The following VIRMA variants were observed in gnomAD, a reference collection of about 807,000 sequenced individuals.
VIRMA encodes vir like m6A methyltransferase associated.
A neutral mutation model predicts 182.4 loss-of-function variants in VIRMA; 65 were observed. The observed-to-expected ratio is 0.36, with a 90% CI of 0.29 to 0.44. The LOEUF (loss-of-function observed/expected upper bound fraction) is 0.44. VIRMA is among the 20% of genes least tolerant of loss of function. The probability of loss-of-function intolerance (pLI) is 1.00; values close to 1 mark genes in which losing one functional copy is unlikely to be tolerated. For missense variants in VIRMA, 1,752 were observed against 2,158.1 expected, an observed-to-expected ratio of 0.81 and a Z score of 3.73; for synonymous variants, 709 against 743.1, an observed-to-expected ratio of 0.95 and a Z score of 0.75.
intron 10 of VIRMA, among the ~76,000 whole-genome samples, chr8:94,515,651 T>A (rs1318882278): frequency 6.6e-6 from 1 of 151,966 alleles, no homozygotes; most frequent in Non-Finnish European, 1.5e-5. Context: ...GAATTACAAG[T>A]GTGAGCCACC....
chr8:94,516,895 T>C (rs1424172962), intron 10 of VIRMA, among the ~76,000 whole-genome samples: 5 of 152,152 alleles, frequency 3.3e-5, no homozygotes, highest in Non-Finnish European at 7.4e-5. Context: ...ATTTTTACAA[T>C]ATTTACTCAA....
chr8:94,549,230 C>T (rs3098712), intron 1 of VIRMA, among the ~76,000 whole-genome samples: 92,858 of 151,996 alleles, frequency 0.61, 28,673 homozygotes, highest in East Asian at 0.81. Context: ...ATTGGTAAAA[C>T]AAATACAATA....
chr8:94,491,709 C>T lies in VIRMA; in HGVS notation c.5009G>A (p.Gly1670Glu), dbSNP rs879137027. The T allele has an allele frequency of 6.2e-7, 1 of 1,614,114 alleles. No homozygotes were observed. Among genetic ancestry groups the T allele is most frequent in the Non-Finnish European group, 8.5e-7 (1 of 1,180,038 alleles). The part of the protein sequence containing the change: ...AESKEVVPQD[G>E]IPPPKRPLKV... ...GAGTGGCCGTTTTGGTGGAGGTATT[C>T]CATCTTGAGGAACCACTTCTTTACT... The change falls in exon 22 of 24, where the codon GGA (glycine) becomes GAA (glutamate). Residue 1670 changes from glycine to glutamate, a missense_variant. By Grantham distance (98) the Gly-to-Glu change is moderately conservative (BLOSUM62 -2). Transcript: ENST00000297591.
intron 16 of VIRMA, among the ~76,000 whole-genome samples, chr8:94,502,602 T>C (rs1177137145): frequency 6.6e-6 from 1 of 152,090 alleles, no homozygotes; most frequent in Non-Finnish European, 1.5e-5. Flanking sequence ...CCAAAATCAG[T>C]GACATCCTAA....
intron 11 of VIRMA, among the ~76,000 whole-genome samples, chr8:94,513,642 C>T (rs1814452284): frequency 6.6e-6 from 1 of 152,070 alleles, no homozygotes; most frequent in Non-Finnish European, 1.5e-5. Context: ...CTCTTAACTA[C>T]AGCATGTAAT....
intron 16 of VIRMA, among the ~76,000 whole-genome samples, chr8:94,500,470 C>A (rs1034453656): frequency 1.3e-5 from 2 of 152,138 alleles, no homozygotes; most frequent in Admixed American, 1.3e-4. Flanking sequence ...CTAACCACTA[C>A]ACACAATCTT....
chr8:94,510,772 A>T lies in VIRMA; in HGVS notation c.3391-120T>A, dbSNP rs113174386. On this transcript the variant is annotated intron_variant, in intron 13 of 23. Coordinates refer to ENST00000297591, the MANE Select transcript of VIRMA (RefSeq NM_015496.5). ...TTTTTACTGCATGCTTAAAACATTT[A>T]ATTTTCTATTATACAGTTAAACATT... 978 of 805,230 alleles carry T rather than the reference A, an allele frequency of 1.2e-3. 2 individuals carry two copies. Among genetic ancestry groups the T allele is most frequent in the Non-Finnish European group, 1.7e-3 (884 of 512,204 alleles). 49.9% of individuals were successfully genotyped at this position (805,230 alleles called of 1,614,324 possible).
At chr8:94,488,978 C>G in intron 23 of VIRMA, 118 bp from the exon 24 acceptor site, 1 of 1,100,260 alleles carries the variant, frequency 9.1e-7, no homozygotes, top group Non-Finnish European at 1.3e-6. Context: ...TTAAAGCTCA[C>G]GTGCAAGCAC....
At chr8:94,508,602 G>A (rs1814248665) in intron 15 of VIRMA, among the ~76,000 whole-genome samples, 1 of 151,490 alleles carries the variant, frequency 6.6e-6, no homozygotes, top group African/African-American at 2.4e-5. Context: ...ACCCAAAGTG[G>A]ATTATACAAG....
At position 94,537,138 on chromosome 8, in the gene VIRMA, C is replaced by T. The variant is rs1815372591; in HGVS notation, c.280G>A (p.Glu94Lys). The T allele has an allele frequency of 6.2e-7, 1 of 1,601,762 alleles. No individual in the cohort carries two copies. Among genetic ancestry groups the T allele is most frequent in the African/African-American group, 1.3e-5 (1 of 74,648 alleles). ...FDRLGSLEYD[E>K]NTSIIFRPNS... is the part of the protein sequence containing the mutation. ...GGTCTAAAGATGATGGAAGTATTCT[C>T]ATCATATTCCAGGCTGTCAAGAGAG... Residue 94 changes from glutamate to lysine, a missense_variant, in exon 4 of 24, where the codon GAG becomes AAG. Around this residue, in one of 11 missense-constraint regions of VIRMA, gnomAD observed 195 missense variants for 191.7 expected, o/e 1.02. Transcript: ENST00000297591.
In VIRMA at chr8:94,510,760, C is replaced by T. The variant is rs1040957364; in HGVS notation, c.3391-108G>A. On this transcript the variant is annotated intron_variant, in intron 13 of 23. Transcript: ENST00000297591. ...ATGAAAAGAACATTTTTACTGCATG[C>T]TTAAAACATTTAATTTTCTATTATA... The T allele has an allele frequency of 1.8e-5, 15 of 834,904 alleles. No individual in the cohort carries two copies. The African/African-American group carries it at 2.1e-4, about 12-fold the overall frequency. 51.7% of individuals were successfully genotyped at this position (834,904 alleles called of 1,614,324 possible).
intron 8 of VIRMA, 117 bp from the exon 9 acceptor site, chr8:94,519,593 T>C: frequency 1.0e-6 from 1 of 999,020 alleles, no homozygotes; most frequent in Non-Finnish European, 1.4e-6. Flanking sequence ...TCCTCAGTAA[T>C]ATACTGCTTT....
chr8:94,531,158 G>A, intron 5 of VIRMA, 73 bp from the exon 6 acceptor site: 1 of 1,405,108 alleles, frequency 7.1e-7, no homozygotes, highest in African/African-American at 1.5e-5. Flanking sequence ...GCTTTGAACT[G>A]TGTGGGTCCA....
intron 1 of VIRMA, among the ~76,000 whole-genome samples, chr8:94,552,088 T>C (rs556846602): frequency 1.1e-3 from 165 of 152,340 alleles, no homozygotes; most frequent in African/African-American, 3.4e-3. Flanking sequence ...ACTGCCTCCA[T>C]TGAGGGTTTT....
intron 11 of VIRMA, among the ~76,000 whole-genome samples, chr8:94,514,545 T>C (rs1814491515): frequency 6.6e-6 from 1 of 152,208 alleles, no homozygotes. Flanking sequence ...CAGTTATATG[T>C]TACATGACTA....
chr8:94,543,428 GTAA>G (rs996002669), intron 2 of VIRMA, among the ~76,000 whole-genome samples: 33 of 127,676 alleles, frequency 2.6e-4, no homozygotes, highest in Non-Finnish European at 4.4e-4. Flanking sequence ...AAAAAAAGGA[GTAA>G]TAATAATAAT....
rs191319119 is a variant in VIRMA at position 94,524,030 on chromosome 8, G to A, written c.2021+2193C>T. On this transcript the variant is annotated intron_variant, in intron 8 of 23. Coordinates refer to ENST00000297591, the MANE Select transcript of VIRMA (RefSeq NM_015496.5). Reference sequence around the variant, plus strand: ...ATTTATTTTTTTGAGACGGAGTTTCGCTCTTGTTGCTTAGGCTGGAGTGCA... The same window carrying A: ...ATTTATTTTTTTGAGACGGAGTTTCACTCTTGTTGCTTAGGCTGGAGTGCA... 8.8e-4 allele frequency among the ~76,000 whole-genome samples: 132 copies of A among 150,852 alleles called. 1 individual carries two copies. In the East Asian group the frequency reaches 0.02, roughly 22 times the overall value.
intron 22 of VIRMA, among the ~76,000 whole-genome samples, chr8:94,490,923 T>A (rs900810629): frequency 6.6e-6 from 1 of 151,968 alleles, no homozygotes; most frequent in African/African-American, 2.4e-5. Context: ...GGCAGATCAA[T>A]GGTGAACTGC....
intron 15 of VIRMA, among the ~76,000 whole-genome samples, chr8:94,508,727 C>T (rs1034957717): frequency 6.6e-6 from 1 of 151,246 alleles, no homozygotes; most frequent in Non-Finnish European, 1.5e-5. Flanking sequence ...CTTTCTTGAC[C>T]TGAGTCTTAA....
Sources: allele counts gnomAD v4.1 joint callset (sites outside exome capture counted in the v4.1 genomes callset), GRCh38; gene constraint gnomAD v4.1.1; regional missense constraint gnomAD v4.1.1; transcripts MANE v1.5; gene names NCBI Gene and HGNC (gene_info 2026-07-23, HGNC 2026-07-21).